Variants in CCDC178 observed in about 807,000 individuals in gnomAD.
CCDC178 encodes coiled-coil domain-containing protein 178.
CCDC178 carries 126 observed loss-of-function variants against 117.4 expected under a neutral mutation model. The ratio of observed to expected loss-of-function variants is 1.07; its 90% CI spans 0.93 to 1.24. The LOEUF (loss-of-function observed/expected upper bound fraction) is 1.24. Among genes scored for constraint, CCDC178 ranks in the 50% most tolerant of loss-of-function variants. The pLI, the probability that CCDC178 is intolerant of heterozygous loss-of-function variation, is 0.00. For synonymous variants in CCDC178, 283 were observed against 313.4 expected (o/e 0.90, Z 1.02); for missense variants, 1,030 against 986.9 (o/e 1.04, Z -0.59).
chr18:33,065,430 T>A (rs928086855), intron 21 of CCDC178, among the ~76,000 whole-genome samples: 2 of 152,176 alleles, frequency 1.3e-5, no homozygotes, highest in African/African-American at 4.8e-5. Context: ...ATGTGACACA[T>A]GGAACACCAT....
At chr18:33,322,278 A>T (rs2062521974) in intron 11 of CCDC178, among the ~76,000 whole-genome samples, 1 of 151,988 alleles carries the variant, frequency 6.6e-6, no homozygotes. Context: ...TTAAAAGTGC[A>T]GATTCTCATT....
chr18:33,008,616 G>A (rs1003650723), intron 21 of CCDC178, among the ~76,000 whole-genome samples: 2 of 151,878 alleles, frequency 1.3e-5, no homozygotes, highest in African/African-American at 2.4e-5. Context: ...TTCTGCTTAT[G>A]TTTATATCAA....
chr18:33,318,181 G>C (rs574651261), intron 11 of CCDC178, among the ~76,000 whole-genome samples: 14 of 152,202 alleles, frequency 9.2e-5, no homozygotes, highest in African/African-American at 3.1e-4. Flanking sequence ...TGTGAGCCAT[G>C]TTACTACTTC....
chr18:33,059,043 A>G (rs1017606793), intron 21 of CCDC178, among the ~76,000 whole-genome samples: 6 of 152,166 alleles, frequency 3.9e-5, no homozygotes, highest in African/African-American at 1.4e-4. Flanking sequence ...AAGAAGGGTC[A>G]ACGACCTACA....
intron 14 of CCDC178, among the ~76,000 whole-genome samples, chr18:33,251,802 C>A (rs1211107133): frequency 6.6e-6 from 1 of 151,700 alleles, no homozygotes; most frequent in Non-Finnish European, 1.5e-5. Context: ...CCAGGATCCA[C>A]CCTGTGAGGC....
chr18:33,106,853 G>A (rs764809160), intron 20 of CCDC178, among the ~76,000 whole-genome samples: 4 of 151,658 alleles, frequency 2.6e-5, no homozygotes, highest in Admixed American at 6.6e-5. Flanking sequence ...ATTGAGATCC[G>A]TCATCAAACC....
At chr18:33,421,245 A>G (rs920582277) in intron 2 of CCDC178, among the ~76,000 whole-genome samples, 2 of 152,208 alleles carry the variant, frequency 1.3e-5, no homozygotes, top group African/African-American at 4.8e-5. Context: ...TTCTAGTACA[A>G]AAGTATAAAC....
chr18:33,337,382 T>A (rs1435766207), intron 9 of CCDC178, among the ~76,000 whole-genome samples: 2 of 152,078 alleles, frequency 1.3e-5, no homozygotes, highest in Non-Finnish European at 2.9e-5. Context: ...TCTTTACCCA[T>A]CTGGATACCC....
At chr18:33,397,943 A>T (rs555661241) in intron 3 of CCDC178, among the ~76,000 whole-genome samples, 1 of 152,252 alleles carries the variant, frequency 6.6e-6, no homozygotes, top group African/African-American at 2.4e-5. Context: ...GTTTAAACAA[A>T]CAAGAATGTA....
At chr18:32,962,736 G>A (rs2054730923) in intron 22 of CCDC178, among the ~76,000 whole-genome samples, 1 of 151,640 alleles carries the variant, frequency 6.6e-6, no homozygotes, top group Admixed American at 6.6e-5. Flanking sequence ...TCTCTTTTGG[G>A]GGGTTCTTTG....
intron 12 of CCDC178, among the ~76,000 whole-genome samples, chr18:33,269,407 T>G (rs12150837): frequency 2.0e-5 from 3 of 151,734 alleles, no homozygotes; most frequent in Non-Finnish European, 2.9e-5. Flanking sequence ...GGTATTCACA[T>G]GTTCTGGAAA....
intron 10 of CCDC178, among the ~76,000 whole-genome samples, chr18:33,326,982 AG>A (rs2062593218): frequency 1.3e-5 from 2 of 152,064 alleles, no homozygotes; most frequent in Non-Finnish European, 2.9e-5. Flanking sequence ...GAATTTTGTA[AG>A]CAACTGGGTA....
chr18:33,126,987 A>T (rs930221154), intron 20 of CCDC178, among the ~76,000 whole-genome samples: 1 of 117,528 alleles, frequency 8.5e-6, no homozygotes, highest in Admixed American at 8.3e-5. Flanking sequence ...GCATTTGGTT[A>T]AAAAAAAAAA....
intron 4 of CCDC178, among the ~76,000 whole-genome samples, chr18:33,391,487 T>A (rs768124552): frequency 9.2e-5 from 14 of 152,072 alleles, no homozygotes; most frequent in Non-Finnish European, 2.1e-4. Flanking sequence ...TGCAAAAAGA[T>A]ACAGATTACA....
intron 21 of CCDC178, among the ~76,000 whole-genome samples, chr18:33,000,107 G>T (rs919962530): frequency 6.6e-6 from 1 of 151,680 alleles, no homozygotes; most frequent in African/African-American, 2.4e-5. Flanking sequence ...CATCGAGAAA[G>T]AATTCAGAAT....
intron 20 of CCDC178, among the ~76,000 whole-genome samples, chr18:33,202,601 C>T (rs144880065): frequency 6.6e-6 from 1 of 152,162 alleles, no homozygotes; most frequent in Non-Finnish European, 1.5e-5. Flanking sequence ...GGTCTACATC[C>T]GCATTCCTAT....
chr18:33,074,579 G>A lies in CCDC178; in HGVS notation c.2388+18182C>T, dbSNP rs114757819. ...GGGAATTCCAACATTTGGAAGCTGA[G>A]CAGAGTAAAAGCTGCTGACACAAGA... On this transcript the variant is annotated intron_variant, in intron 21 of 22. Transcript: ENST00000383096. Among the ~76,000 whole-genome samples, 662 of 152,320 alleles carry A rather than the reference G, an allele frequency of 4.3e-3. 5 individuals carry two copies. The highest frequency in any genetic ancestry group is 0.015 in the African/African-American group (634 of 41,562).
intron 21 of CCDC178, among the ~76,000 whole-genome samples, chr18:33,021,319 C>T (rs771065239): frequency 2.0e-5 from 3 of 152,082 alleles, no homozygotes; most frequent in Admixed American, 6.6e-5. Context: ...CTTTTTCTAC[C>T]AGTTTTTATT....
intron 7 of CCDC178, among the ~76,000 whole-genome samples, chr18:33,355,656 T>C (rs1251911604): frequency 2.6e-5 from 4 of 152,198 alleles, no homozygotes; most frequent in Admixed American, 1.3e-4. Flanking sequence ...ACCTATTTTT[T>C]CACAGGAATT....
Sources: allele counts gnomAD v4.1 joint callset (sites outside exome capture counted in the v4.1 genomes callset), GRCh38; gene constraint gnomAD v4.1.1; transcripts MANE v1.5; gene names NCBI Gene and HGNC (gene_info 2026-07-23, HGNC 2026-07-21).